EFCAB5: variants seen among roughly 807,000 people sequenced by gnomAD.
EFCAB5 encodes EF-hand calcium-binding domain-containing protein 5.
A neutral mutation model predicts 167.9 loss-of-function variants in EFCAB5; 131 were observed. The observed-to-expected ratio is 0.78, with a 90% CI of 0.68 to 0.90. The LOEUF (loss-of-function observed/expected upper bound fraction) is 0.90, where lower values mean the gene tolerates loss of function less well. EFCAB5 is among the 40% of genes least tolerant of loss of function. The probability of loss-of-function intolerance (pLI) is 0.00; values close to 1 mark genes in which losing one functional copy is unlikely to be tolerated. For synonymous variants in EFCAB5, 574 were observed against 602.8 expected (o/e 0.95, Z 0.70); for missense variants, 1,663 against 1,745.2 (o/e 0.95, Z 0.84).
At chr17:30,001,174 T>G (rs1315162189) in intron 7 of EFCAB5, among the ~76,000 whole-genome samples, 2 of 152,216 alleles carry the variant, frequency 1.3e-5, no homozygotes, top group Admixed American at 1.3e-4. Flanking sequence ...GCATGCTTTC[T>G]TCACTCGGAA....
intron 22 of EFCAB5, among the ~76,000 whole-genome samples, chr17:30,102,957 G>C (rs778529450): frequency 6.6e-6 from 1 of 151,822 alleles, no homozygotes; most frequent in South Asian, 2.1e-4. Context: ...TCCCACCTGA[G>C]CCTCCCTAGT....
intron 4 of EFCAB5, chr17:29,972,646 G>A (rs1215037255): frequency 6.2e-6 from 1 of 160,804 alleles, no homozygotes; most frequent in African/African-American, 2.4e-5. Context: ...AGCCAGTTGG[G>A]GTCTTGTGGC....
rs560689412 is a variant in EFCAB5, at chr17:30,027,370, G to A, written c.1045-6860G>A. Among the ~76,000 whole-genome samples the A allele has an allele frequency of 1.0e-4, 15 of 149,652 alleles. No homozygotes were observed. In the South Asian group the frequency reaches 3.2e-3, roughly 32 times the overall value. On this transcript the variant is annotated intron_variant, in intron 7 of 22. Transcript: ENST00000394835. ...TTATGGCAAAGTAGCATATTTGGGG[G>A]TGGCATATTCTGAACTTCTTCACAT...
chr17:30,080,603 C>T, intron 16 of EFCAB5, 150 bp from the exon 17 acceptor site: 6 of 592,992 alleles, frequency 1.0e-5, no homozygotes, highest in South Asian at 5.2e-5. Flanking sequence ...TTTCTCAAGT[C>T]AGACCTCCAA....
chr17:29,965,422 T>A (rs1001509378), intron 3 of EFCAB5, among the ~76,000 whole-genome samples: 5 of 152,212 alleles, frequency 3.3e-5, no homozygotes, highest in African/African-American at 4.8e-5. Context: ...TCTATTTTTT[T>A]AAATCCATTG....
At chr17:30,033,417 C>A (rs2069533620) in intron 7 of EFCAB5, among the ~76,000 whole-genome samples, 2 of 152,178 alleles carry the variant, frequency 1.3e-5, no homozygotes, top group Non-Finnish European at 2.9e-5. Context: ...GAAACTCTTG[C>A]AGTGCTTGAT....
intron 19 of EFCAB5, among the ~76,000 whole-genome samples, chr17:30,090,215 AG>A (rs1489940191): frequency 6.6e-6 from 1 of 152,138 alleles, no homozygotes; most frequent in Non-Finnish European, 1.5e-5. Flanking sequence ...TTCTCTGCCG[AG>A]GGGATGTTTG....
At chr17:30,007,701 A>G (rs1193715007) in intron 7 of EFCAB5, among the ~76,000 whole-genome samples, 1 of 152,210 alleles carries the variant, frequency 6.6e-6, no homozygotes, top group Non-Finnish European at 1.5e-5. Context: ...AGGGTGCATC[A>G]TTTAGCCCAG....
chr17:29,940,448 C>T (rs890672615), upstream of EFCAB5, among the ~76,000 whole-genome samples: 1 of 152,142 alleles, frequency 6.6e-6, no homozygotes, highest in Non-Finnish European at 1.5e-5. Context: ...ATATAGAAAG[C>T]ACCTAATAAA....
intron 22 of EFCAB5, among the ~76,000 whole-genome samples, chr17:30,096,666 TATATATATATA>T (rs1484783508): frequency 5.4e-4 from 33 of 60,804 alleles, no homozygotes; most frequent in African/African-American, 2.3e-3. Context: ...TATATATATA[TATATATATATA>T]TTTTTTTTTT....
chr17:30,076,317 G>A (rs1478921599), intron 14 of EFCAB5, among the ~76,000 whole-genome samples: 1 of 152,230 alleles, frequency 6.6e-6, no homozygotes, highest in African/African-American at 2.4e-5. Context: ...TCTGGCTAAA[G>A]GAATAGAATG....
intron 7 of EFCAB5, among the ~76,000 whole-genome samples, chr17:30,013,801 C>T (rs1597668246): frequency 6.6e-6 from 1 of 152,270 alleles, no homozygotes; most frequent in East Asian, 1.9e-4. Flanking sequence ...TCTCTAGCTC[C>T]TTCAATTCTG....
chr17:30,091,407 CAT>C (rs1415653301), intron 20 of EFCAB5, among the ~76,000 whole-genome samples: 1 of 152,134 alleles, frequency 6.6e-6, no homozygotes, highest in African/African-American at 2.4e-5. Flanking sequence ...GTAACTATGT[CAT>C]AGAGTGGGAT....
At chr17:29,953,018 A>G (rs1238438632) in intron 3 of EFCAB5, among the ~76,000 whole-genome samples, 2 of 152,196 alleles carry the variant, frequency 1.3e-5, no homozygotes, top group African/African-American at 4.8e-5. Flanking sequence ...AAGGTTAAAA[A>G]TAGCGAGTTT....
intron 3 of EFCAB5, among the ~76,000 whole-genome samples, chr17:29,957,279 TTTGCATCCC>T (rs1231452418): frequency 3.3e-5 from 5 of 152,232 alleles, no homozygotes; most frequent in Non-Finnish European, 4.4e-5. Flanking sequence ...TTGAACCATC[TTTGCATCCC>T]TTGCATCCCT....
intron 3 of EFCAB5, among the ~76,000 whole-genome samples, chr17:29,950,286 T>C (rs1380707576): frequency 1.3e-5 from 2 of 151,656 alleles, no homozygotes; most frequent in Admixed American, 6.6e-5. Flanking sequence ...TTTCCTTCCT[T>C]CCTTCCTTCC....
chr17:29,989,350 T>A (rs2068360924), intron 4 of EFCAB5, among the ~76,000 whole-genome samples: 1 of 152,156 alleles, frequency 6.6e-6, no homozygotes, highest in Admixed American at 6.6e-5. Flanking sequence ...ACTGTGAAAA[T>A]TTTTTACGAG....
intron 14 of EFCAB5, among the ~76,000 whole-genome samples, chr17:30,066,150 A>G (rs2070563643): frequency 6.6e-6 from 1 of 152,216 alleles, no homozygotes; most frequent in African/African-American, 2.4e-5. Flanking sequence ...GCTGCAGAAT[A>G]CACCTCTTTT....
chr17:30,074,817 T>G (rs2070836034), intron 14 of EFCAB5, among the ~76,000 whole-genome samples: 1 of 152,128 alleles, frequency 6.6e-6, no homozygotes, highest in Non-Finnish European at 1.5e-5. Flanking sequence ...AGGTTGATCT[T>G]ATATTTTCCC....
Sources: allele counts gnomAD v4.1 joint callset (sites outside exome capture counted in the v4.1 genomes callset), GRCh38; gene constraint gnomAD v4.1.1; transcripts MANE v1.5; gene names NCBI Gene and HGNC (gene_info 2026-07-23, HGNC 2026-07-21).